VPS35L: variants seen among roughly 807,000 people sequenced by gnomAD.
The protein encoded by VPS35L is VPS35 endosomal protein sorting factor like, also known as VPS35 endosomal protein-sorting factor-like.
A neutral mutation model predicts 133.0 loss-of-function variants in VPS35L; 83 were observed. The observed-to-expected ratio is 0.62, with a 90% CI of 0.52 to 0.75. The LOEUF is 0.75. Among genes scored for constraint, VPS35L ranks in the 30% least tolerant of loss-of-function variants. The pLI is 0.00. For missense variants in VPS35L, 1,083 were observed against 1,206.8 expected, an observed-to-expected ratio of 0.90 and a Z score of 1.52; for synonymous variants, 423 against 449.9, an observed-to-expected ratio of 0.94 and a Z score of 0.76.
At chr16:19,673,928 C>T (rs898001112) in intron 27 of VPS35L, among the ~76,000 whole-genome samples, 3 of 152,174 alleles carry the variant, frequency 2.0e-5, no homozygotes, top group South Asian at 4.1e-4. Flanking sequence ...TGACTGAAGC[C>T]GGAAACGTTT....
At chr16:19,625,822 C>T (rs1597373131) in intron 14 of VPS35L, among the ~76,000 whole-genome samples, 1 of 151,974 alleles carries the variant, frequency 6.6e-6, no homozygotes, top group African/African-American at 2.4e-5. Context: ...TACAGGCACC[C>T]GCTATCACAC....
At chr16:19,601,961 A>G (rs1972398033) in intron 9 of VPS35L, among the ~76,000 whole-genome samples, 1 of 152,156 alleles carries the variant, frequency 6.6e-6, no homozygotes, top group South Asian at 2.1e-4. Flanking sequence ...CCTCACAGTT[A>G]GATTCAGCCA....
intron 1 of VPS35L, among the ~76,000 whole-genome samples, chr16:19,558,330 G>A (rs965707198): frequency 1.3e-5 from 2 of 152,246 alleles, no homozygotes; most frequent in African/African-American, 4.8e-5. Context: ...GAGGCAGAGA[G>A]ATGAAGCAGT....
At chr16:19,569,274 A>G (rs774521660) in intron 2 of VPS35L, 150 bp from the exon 3 acceptor site, 1 of 880,292 alleles carries the variant, frequency 1.1e-6, no homozygotes, top group Admixed American at 2.0e-5. Flanking sequence ...CATTTGTCAC[A>G]AAAACTAAGC....
intron 9 of VPS35L, among the ~76,000 whole-genome samples, chr16:19,605,105 G>A (rs980722708): frequency 6.6e-6 from 1 of 152,154 alleles, no homozygotes; most frequent in African/African-American, 2.4e-5. Flanking sequence ...TCCAGCACAT[G>A]CTAACTAAGA....
chr16:19,595,541 G>A (rs964232456), intron 8 of VPS35L, among the ~76,000 whole-genome samples: 2 of 152,002 alleles, frequency 1.3e-5, no homozygotes, highest in Non-Finnish European at 2.9e-5. Flanking sequence ...TGGTTCCCTC[G>A]CCCGCCTCTC....
intron 7 of VPS35L, among the ~76,000 whole-genome samples, chr16:19,583,849 A>T (rs1187010217): frequency 6.6e-6 from 1 of 152,074 alleles, no homozygotes; most frequent in Non-Finnish European, 1.5e-5. Flanking sequence ...CTGTTAACCA[A>T]CCTCTTTGTT....
chr16:19,629,334 A>G (rs569048652), intron 17 of VPS35L, among the ~76,000 whole-genome samples: 1 of 152,228 alleles, frequency 6.6e-6, no homozygotes, highest in Admixed American at 6.5e-5. Context: ...AAATCTATTT[A>G]TTATAATTGT....
At chr16:19,614,337 A>G (rs756101562) in intron 12 of VPS35L, among the ~76,000 whole-genome samples, 1 of 152,178 alleles carries the variant, frequency 6.6e-6, no homozygotes, top group Admixed American at 6.5e-5. Context: ...GTGGTTCTCA[A>G]ATGCCATCTG....
intron 9 of VPS35L, among the ~76,000 whole-genome samples, chr16:19,603,051 C>T (rs577075886): frequency 6.4e-4 from 97 of 152,254 alleles, no homozygotes; most frequent in African/African-American, 2.3e-3. Context: ...AGGCATGAGC[C>T]ACTGTGCTTG....
At chr16:19,605,826 G>A (rs1972521761) in intron 9 of VPS35L, among the ~76,000 whole-genome samples, 1 of 152,072 alleles carries the variant, frequency 6.6e-6, no homozygotes, top group South Asian at 2.1e-4. Context: ...TTGTTTGCCT[G>A]CTTATTCTCT....
intron 28 of VPS35L, among the ~76,000 whole-genome samples, chr16:19,683,100 A>G (rs1975344725): frequency 1.3e-5 from 2 of 151,518 alleles, no homozygotes; most frequent in Non-Finnish European, 2.9e-5. Flanking sequence ...AATTTTTTAA[A>G]TTTTTTTTTG....
intron 27 of VPS35L, among the ~76,000 whole-genome samples, chr16:19,678,246 G>A (rs1975131549): frequency 1.3e-5 from 2 of 152,174 alleles, no homozygotes; most frequent in African/African-American, 4.8e-5. Flanking sequence ...TATTGCTGAT[G>A]TGGTAGGTGT....
chr16:19,567,608 A>C (rs1297040143), intron 2 of VPS35L, among the ~76,000 whole-genome samples: 7 of 151,820 alleles, frequency 4.6e-5, no homozygotes, highest in Non-Finnish European at 1.0e-4. Flanking sequence ...CTGCAGTTCA[A>C]CTCCATTCAG....
At chr16:19,625,071 A>G (rs1023282241) in intron 14 of VPS35L, among the ~76,000 whole-genome samples, 4 of 135,062 alleles carry the variant, frequency 3.0e-5, no homozygotes, top group Non-Finnish European at 4.9e-5. Flanking sequence ...TATTCCAATG[A>G]GTTAAAAAAA....
intron 25 of VPS35L, among the ~76,000 whole-genome samples, chr16:19,651,494 C>T (rs913994094): frequency 4.6e-5 from 7 of 152,092 alleles, no homozygotes; most frequent in African/African-American, 7.2e-5. Context: ...TGTGAGCCAC[C>T]GCACCCAGCC....
chr16:19,652,424 TG>T, intron 26 of VPS35L: 1 of 206,566 alleles, frequency 4.8e-6, no homozygotes, highest in Non-Finnish European at 9.8e-6. Context: ...GCTTCCCACC[TG>T]GGCTCAAATG....
rs1020255574 is a variant in VPS35L, at chr16:19,564,547, C to T, written c.18-304C>T. 1.4e-4 allele frequency among the ~76,000 whole-genome samples: 21 copies of T among 152,132 alleles called. 1 individual carries two copies. The highest frequency in any genetic ancestry group is 3.9e-4 in the African/African-American group (16 of 41,488). On this transcript the variant is annotated intron_variant, in intron 1 of 30. Coordinates refer to ENST00000417362, the MANE Select transcript of VPS35L (RefSeq NM_020314.7). ...CCAAGTAGCTGGGATTACAGGCGTG[C>T]GCCACCATACCCACCGAATTTTTGT... is the stretch of plus-strand genomic sequence containing the variant.
intron 1 of VPS35L, among the ~76,000 whole-genome samples, 164 bp downstream of exon 1, chr16:19,555,910 A>C (rs1054624061): frequency 6.6e-6 from 1 of 152,166 alleles, no homozygotes; most frequent in African/African-American, 2.4e-5. Context: ...ACCGCGGTCC[A>C]GCGGAGCAAT....
Sources: gnomAD v4.1 joint callset for allele counts (sites outside exome capture counted in the v4.1 genomes callset) on GRCh38, gnomAD v4.1.1 for gene constraint, MANE v1.5 for transcripts, NCBI Gene and HGNC (gene_info 2026-07-23, HGNC 2026-07-21) for gene names.